NOMO2: variants seen among roughly 807,000 people sequenced by gnomAD.
NOMO2 encodes NODAL modulator 2.
In NOMO2, 14 loss-of-function variants were observed where a neutral mutation model predicts 67.1. That is an observed-to-expected ratio of 0.21 (90% confidence interval 0.14 to 0.33). NOMO2 has a LOEUF of 0.33. Among genes scored for constraint, NOMO2 ranks in the 10% least tolerant of loss-of-function variants. NOMO2 has a pLI of 1.00. For synonymous variants in NOMO2, 80 were observed against 305.9 expected (o/e 0.26, Z 7.71); for missense variants, 178 against 761.0 (o/e 0.23, Z 9.01).
At chr16:18,543,264 C>T in intron 7 of NOMO2, among the ~76,000 whole-genome samples, 1 of 147,618 alleles carries the variant, frequency 6.8e-6, no homozygotes, top group Non-Finnish European at 1.5e-5. Flanking sequence ...CTGCAACCTC[C>T]ACCTCCTGGG....
rs1393915831 is a variant in NOMO2, at chr16:18,557,919, G to C, written c.166-128C>G. 1.1e-5 allele frequency: 17 copies of C among 1,536,044 alleles called. No individual in the cohort carries two copies. The East Asian group carries it at 3.2e-4, about 29-fold the overall frequency. Reference sequence around the variant, plus strand: ...CCTACTATATACCAGCTTTTAACACGGGGCATTACTGGGGACAGAGGGAAA... The same window carrying C: ...CCTACTATATACCAGCTTTTAACACCGGGCATTACTGGGGACAGAGGGAAA... On this transcript the variant is annotated intron_variant, in intron 1 of 30. Transcript: ENST00000622306.
chr16:18,539,728 C>A lies in NOMO2; in HGVS notation c.964-764G>T, dbSNP rs377686890. 1.2e-3 allele frequency among the ~76,000 whole-genome samples: 189 copies of A among 151,640 alleles called. 5 individuals are homozygous for A. In the East Asian group the frequency reaches 0.025, roughly 20 times the overall value. ...GCCAAGACAGTGCCAGCCTGTGTGA[C>A]GCAGCAAGACTCTGTCTCAAAGAAA... On this transcript the variant is annotated intron_variant, in intron 9 of 30. Transcript: ENST00000622306.
intron 6 of NOMO2, among the ~76,000 whole-genome samples, chr16:18,545,089 T>C (rs1276852645): frequency 2.5e-5 from 3 of 122,128 alleles, no homozygotes; most frequent in African/African-American, 8.9e-5. Context: ...CTCTTTCATT[T>C]CGAATAAATT....
intron 11 of NOMO2, among the ~76,000 whole-genome samples, chr16:18,535,534 T>C (rs562640962): frequency 1.3e-5 from 2 of 152,114 alleles, no homozygotes; most frequent in African/African-American, 4.8e-5. Context: ...GTGGCTCAAA[T>C]AAGAAACCTG....
intron 6 of NOMO2, among the ~76,000 whole-genome samples, chr16:18,545,098 T>A (rs1167246114): frequency 2.2e-5 from 1 of 46,018 alleles, no homozygotes; most frequent in African/African-American, 9.6e-5. Context: ...TTCGAATAAA[T>A]TTTTTTTTTT....
At chr16:18,560,271 C>T (rs942221973) in intron 1 of NOMO2, among the ~76,000 whole-genome samples, 1 of 151,694 alleles carries the variant, frequency 6.6e-6, no homozygotes, top group African/African-American at 2.4e-5. Context: ...TCTGGACAGG[C>T]AGCCCTTGGG....
chr16:18,535,802 CT>C (rs1181997480), intron 11 of NOMO2, among the ~76,000 whole-genome samples: 8 of 150,160 alleles, frequency 5.3e-5, no homozygotes, highest in Non-Finnish European at 7.4e-5. Flanking sequence ...ACTGATAACT[CT>C]TTTTTTTTTC....
intron 4 of NOMO2, among the ~76,000 whole-genome samples, chr16:18,550,580 T>G (rs2434751): frequency 1.2e-3 from 184 of 151,870 alleles, no homozygotes; most frequent in African/African-American, 2.4e-3. Flanking sequence ...CATCTCAACC[T>G]CAGGCACAGG....
At chr16:18,560,364 G>T (rs59167722) in intron 1 of NOMO2, among the ~76,000 whole-genome samples, 1 of 151,086 alleles carries the variant, frequency 6.6e-6, no homozygotes, top group Non-Finnish European at 1.5e-5. Context: ...GAGGGTGGAG[G>T]GGGGTGCCTG....
At chr16:18,535,100 C>T (rs1901386481) in intron 11 of NOMO2, among the ~76,000 whole-genome samples, 1 of 117,522 alleles carries the variant, frequency 8.5e-6, no homozygotes, top group African/African-American at 3.0e-5. Context: ...TTTGGGAAGC[C>T]GAGGCGGGTG....
rs1410852124 is a variant in NOMO2, at chr16:18,562,068, C to A, written c.-28G>T. 2.8e-6 allele frequency: 4 copies of A among 1,415,292 alleles called. No homozygotes were observed. The highest frequency in any genetic ancestry group is 3.1e-5 in the African/African-American group (2 of 64,772). 87.7% of individuals were successfully genotyped at this position (1,415,292 alleles called of 1,614,324 possible). On this transcript the variant is annotated 5_prime_UTR_variant, in exon 1 of 31. Coordinates refer to ENST00000622306, the MANE Select transcript of NOMO2 (RefSeq NM_173614.4). ...CCCGACCTCCCCCAGCTAGACCCAC[C>A]GCCGGCAGCCGGGTCCCGCCCCTCA...
intron 3 of NOMO2, among the ~76,000 whole-genome samples, chr16:18,554,202 T>C (rs1901853906): frequency 6.6e-6 from 1 of 151,998 alleles, no homozygotes; most frequent in South Asian, 2.1e-4. Context: ...TACTTGCTAA[T>C]TACGTGCCAG....
chr16:18,559,023 C>T (rs1365356613), intron 1 of NOMO2, among the ~76,000 whole-genome samples: 1 of 151,746 alleles, frequency 6.6e-6, no homozygotes, highest in African/African-American at 2.4e-5. Flanking sequence ...ATTAGCTAGG[C>T]ATGATGGCAC....
intron 3 of NOMO2, among the ~76,000 whole-genome samples, chr16:18,553,485 TAGA>T (rs896426411): frequency 1.9e-4 from 28 of 151,092 alleles, no homozygotes; most frequent in African/African-American, 6.3e-4. Flanking sequence ...CTCTAATTTG[TAGA>T]AGGTCAGGGT....
At chr16:18,550,500 C>T (rs533193981) in intron 4 of NOMO2, among the ~76,000 whole-genome samples, 1 of 151,694 alleles carries the variant, frequency 6.6e-6, no homozygotes, top group African/African-American at 2.4e-5. Flanking sequence ...ATGGAAGGGC[C>T]TCCCCGTCAC....
At chr16:18,553,501 T>C (rs1300483185) in intron 3 of NOMO2, among the ~76,000 whole-genome samples, 4 of 151,110 alleles carry the variant, frequency 2.6e-5, no homozygotes, top group Non-Finnish European at 5.9e-5. Context: ...GTCAGGGTGG[T>C]GGTCACCTGG....
At chr16:18,544,398 T>C (rs989527395) in intron 6 of NOMO2, among the ~76,000 whole-genome samples, 5 of 152,146 alleles carry the variant, frequency 3.3e-5, no homozygotes, top group African/African-American at 9.7e-5. Context: ...TGATATACAG[T>C]GTTAACTGAA....
At chr16:18,561,195 A>AAAAAAAC (rs1902039948) in intron 1 of NOMO2, among the ~76,000 whole-genome samples, 5 of 100,378 alleles carry the variant, frequency 5.0e-5, no homozygotes, top group Admixed American at 1.3e-4. Flanking sequence ...AAAAAAAAAA[A>AAAAAAAC]AAAAAAAAAA....
chr16:18,553,079 G>T (rs1379513145), intron 3 of NOMO2, among the ~76,000 whole-genome samples: 8 of 151,776 alleles, frequency 5.3e-5, no homozygotes, highest in South Asian at 4.1e-4. Flanking sequence ...TTCGAGACCA[G>T]CCTGGGTCAA....
Sources: allele counts gnomAD v4.1 joint callset (sites outside exome capture counted in the v4.1 genomes callset), GRCh38; gene constraint gnomAD v4.1.1; transcripts MANE v1.5; gene names NCBI Gene and HGNC (gene_info 2026-07-23, HGNC 2026-07-21).